Variants in C12orf42 observed in about 807,000 individuals in gnomAD.
C12orf42 encodes uncharacterized protein C12orf42.
C12orf42 carries 25 observed loss-of-function variants against 21.6 expected under a neutral mutation model. The observed-to-expected ratio is 1.16, with a 90% CI of 0.84 to 1.62. The LOEUF (loss-of-function observed/expected upper bound fraction) is 1.62. Ranked by LOEUF, C12orf42 falls within the 40% of genes most tolerant of loss-of-function variation. The probability of loss-of-function intolerance (pLI) is 0.00; values close to 1 mark genes in which losing one functional copy is unlikely to be tolerated. For synonymous variants in C12orf42, 174 were observed against 175.0 expected, an observed-to-expected ratio of 0.99 and a Z score of 0.05; for missense variants, 483 against 459.3, an observed-to-expected ratio of 1.05 and a Z score of -0.47.
intron 1 of C12orf42, among the ~76,000 whole-genome samples, chr12:103,485,081 G>A (rs1296768831): frequency 6.6e-6 from 1 of 152,000 alleles, no homozygotes. Context: ...ATGTTAGCCA[G>A]GATGGTCTCA....
chr12:103,345,827 C>G (rs2042570311), intron 4 of C12orf42, among the ~76,000 whole-genome samples: 1 of 151,866 alleles, frequency 6.6e-6, no homozygotes, highest in East Asian at 1.9e-4. Context: ...AACTATGAAG[C>G]AATATAGAAA....
At chr12:103,527,695 C>G in the C12orf42 span, among the ~76,000 whole-genome samples, 1 of 152,252 alleles carries the variant, frequency 6.6e-6, no homozygotes, top group East Asian at 1.9e-4. Context: ...GGCTTGCAGC[C>G]TCTCCTCCAC....
In C12orf42 at chr12:103,306,041, C is replaced by T. The variant is rs778102758; in HGVS notation, c.564G>A (p.Gln188=). 2.5e-6 allele frequency: 4 copies of T among 1,613,846 alleles called. No homozygotes were observed. The highest frequency in any genetic ancestry group is 1.3e-5 in the African/African-American group (1 of 74,936). The part of the protein sequence containing the change: ...HSVNPVHLEA[Q]GIHISRHTRP... ...TTGTGTGTCTACTGATGTGTATGCCCTGAGCCTCCAGGTGAACAGGATTTA... is the reference window on the plus strand; with the variant it reads ...TTGTGTGTCTACTGATGTGTATGCCTTGAGCCTCCAGGTGAACAGGATTTA... The change falls in exon 5 of 6, where the codon CAG becomes CAA. Residue 188 remains glutamine (Q), a synonymous_variant. Transcript: ENST00000548883.
At chr12:103,067,946 C>T in the C12orf42 span, among the ~76,000 whole-genome samples, 3 of 152,266 alleles carry the variant, frequency 2.0e-5, no homozygotes, top group South Asian at 6.2e-4. Flanking sequence ...TAGTATTGCC[C>T]TGCCCTGTGA....
the C12orf42 span, among the ~76,000 whole-genome samples, chr12:103,122,828 T>G: frequency 6.6e-6 from 1 of 152,234 alleles, no homozygotes; most frequent in East Asian, 1.9e-4. Flanking sequence ...AGGGAGTCCT[T>G]GGAGGATGTG....
chr12:103,264,720 A>G (rs1275998197), downstream of C12orf42, among the ~76,000 whole-genome samples: 2 of 152,172 alleles, frequency 1.3e-5, no homozygotes, highest in Non-Finnish European at 2.9e-5. Flanking sequence ...AATACAAAAC[A>G]GGTGTAACAA....
the C12orf42 span, among the ~76,000 whole-genome samples, chr12:103,107,629 T>A: frequency 6.6e-6 from 1 of 151,766 alleles, no homozygotes; most frequent in African/African-American, 2.4e-5. Flanking sequence ...AAATTTATAA[T>A]CTTTAACACA....
intron 2 of C12orf42, among the ~76,000 whole-genome samples, chr12:103,437,641 A>C (rs1950840454): frequency 6.6e-6 from 1 of 152,056 alleles, no homozygotes; most frequent in African/African-American, 2.4e-5. Flanking sequence ...ATGCAAATAA[A>C]CTAGAAAATC....
intron 5 of C12orf42, among the ~76,000 whole-genome samples, chr12:103,305,681 C>G (rs1387326421): frequency 1.3e-5 from 2 of 152,150 alleles, no homozygotes; most frequent in African/African-American, 2.4e-5. Flanking sequence ...GTGTCTGGCA[C>G]ATGGTGAAAG....
chr12:103,168,114 AC>A, the C12orf42 span: 1 of 455,924 alleles, frequency 2.2e-6, no homozygotes, highest in South Asian at 1.5e-5. Context: ...AAGTCTTTAA[AC>A]ATAAAGTTGA....
chr12:103,336,559 G>C (rs988716971), intron 4 of C12orf42, among the ~76,000 whole-genome samples: 2 of 152,186 alleles, frequency 1.3e-5, no homozygotes, highest in African/African-American at 4.8e-5. Flanking sequence ...ACACATAGTA[G>C]ATCTCCTATA....
the C12orf42 span, among the ~76,000 whole-genome samples, chr12:103,507,381 G>A: frequency 5.0e-5 from 7 of 139,652 alleles, no homozygotes; most frequent in Non-Finnish European, 1.1e-4. Context: ...CATAAAAGTG[G>A]AAAATAGGTT....
At chr12:103,442,952 T>C (rs1951347671) in intron 2 of C12orf42, among the ~76,000 whole-genome samples, 1 of 152,260 alleles carries the variant, frequency 6.6e-6, no homozygotes, top group South Asian at 2.1e-4. Flanking sequence ...CCCTACATTC[T>C]GAGAACTAAG....
At chr12:103,230,736 T>A in the C12orf42 span, among the ~76,000 whole-genome samples, 3 of 152,236 alleles carry the variant, frequency 2.0e-5, no homozygotes, top group Non-Finnish European at 4.4e-5. Flanking sequence ...TAAATGTTAG[T>A]CTTCTAAAAT....
the C12orf42 span, among the ~76,000 whole-genome samples, chr12:103,525,703 A>C: frequency 2.1e-3 from 315 of 152,324 alleles, 1 homozygote; most frequent in African/African-American, 7.2e-3. Context: ...TACAGCAGTC[A>C]AATAATTTTG....
chr12:103,199,114 A>T, the C12orf42 span, among the ~76,000 whole-genome samples: 1 of 152,192 alleles, frequency 6.6e-6, no homozygotes, highest in African/African-American at 2.4e-5. Context: ...CAAAACAGAC[A>T]TATAAACCAA....
chr12:103,058,102 C>T, the C12orf42 span, among the ~76,000 whole-genome samples: 3,805 of 151,908 alleles, frequency 0.025, 149 homozygotes, highest in African/African-American at 0.086. Flanking sequence ...ACTACAGGCA[C>T]GTGCCACCAG....
At chr12:103,178,958 T>C in the C12orf42 span, among the ~76,000 whole-genome samples, 1 of 152,176 alleles carries the variant, frequency 6.6e-6, no homozygotes, top group African/African-American at 2.4e-5. Flanking sequence ...ACTGGCTGAC[T>C]TTTCCAATGA....
intron 2 of C12orf42, among the ~76,000 whole-genome samples, chr12:103,465,589 C>T (rs1019247916): frequency 6.6e-6 from 1 of 152,068 alleles, no homozygotes; most frequent in Middle Eastern, 3.2e-3. Flanking sequence ...AATACTATTT[C>T]TTTCTTTCTC....
Sources: allele counts gnomAD v4.1 joint callset (sites outside exome capture counted in the v4.1 genomes callset), GRCh38; gene constraint gnomAD v4.1.1; transcripts MANE v1.5; gene names NCBI Gene and HGNC (gene_info 2026-07-23, HGNC 2026-07-21).